The following CNTN4 variants were observed in gnomAD, a reference collection of about 807,000 sequenced individuals.
CNTN4 encodes contactin 4, also known as contactin-4.
Under a neutral mutation model 122.5 loss-of-function variants are expected in CNTN4, and 77 were observed. The ratio of observed to expected loss-of-function variants is 0.63; its 90% confidence interval spans 0.52 to 0.76. The LOEUF (loss-of-function observed/expected upper bound fraction) is 0.76, where lower values mean the gene tolerates loss of function less well. Ranked by LOEUF, CNTN4 falls within the 30% of genes least tolerant of loss-of-function variation. The pLI is 0.00. For synonymous variants in CNTN4, 512 were observed against 447.0 expected (o/e 1.15, Z -1.83); for missense variants, 1,256 against 1,259.1 (o/e 1.00, Z 0.04).
intron 12 of CNTN4, among the ~76,000 whole-genome samples, chr3:2,914,452 A>G (rs2094333677): frequency 1.3e-5 from 2 of 152,218 alleles, no homozygotes; most frequent in South Asian, 4.1e-4. Context: ...ATCAGAAATT[A>G]GAGACATGAA....
chr3:2,888,418 C>T (rs1034450564), intron 10 of CNTN4, among the ~76,000 whole-genome samples: 1 of 152,080 alleles, frequency 6.6e-6, no homozygotes, highest in African/African-American at 2.4e-5. Context: ...TATTTTTTGC[C>T]TGATAAGAGA....
At chr3:2,735,617 T>A (rs982006733) in intron 4 of CNTN4, among the ~76,000 whole-genome samples, 1 of 152,216 alleles carries the variant, frequency 6.6e-6, no homozygotes, top group African/African-American at 2.4e-5. Flanking sequence ...ATATATGGCT[T>A]CATAAGACGT....
intron 7 of CNTN4, among the ~76,000 whole-genome samples, chr3:2,821,339 G>A (rs1209528761): frequency 6.6e-6 from 1 of 152,142 alleles, no homozygotes; most frequent in African/African-American, 2.4e-5. Flanking sequence ...GCCCTTCTCT[G>A]ATTCTTCTCT....
intron 7 of CNTN4, among the ~76,000 whole-genome samples, chr3:2,832,918 A>G (rs1255855864): frequency 6.6e-6 from 1 of 152,046 alleles, no homozygotes; most frequent in Non-Finnish European, 1.5e-5. Flanking sequence ...TTAAAGTCAT[A>G]GAGTTAAATA....
chr3:2,340,708 T>TAGAGAGAGAGAGAGAGAGGGGGAGAG (rs1414538595), intron 3 of CNTN4, among the ~76,000 whole-genome samples: 1 of 25,362 alleles, frequency 3.9e-5, no homozygotes, highest in East Asian at 2.3e-3. Flanking sequence ...TATATATATA[T>TAGAGAGAGAGAGAGAGAGGGGGAGAG]ATAGAGAGAG....
chr3:2,541,641 G>T (rs1278802917), intron 3 of CNTN4, among the ~76,000 whole-genome samples: 1 of 151,980 alleles, frequency 6.6e-6, no homozygotes, highest in Non-Finnish European at 1.5e-5. Flanking sequence ...CAAGATATTT[G>T]GTTTAAAATT....
chr3:3,038,292 T>C (rs183244290), intron 18 of CNTN4, among the ~76,000 whole-genome samples: 380 of 152,294 alleles, frequency 2.5e-3, no homozygotes, highest in Middle Eastern at 0.024. Context: ...CATAATTTCC[T>C]CTCTTTTATA....
intron 3 of CNTN4, among the ~76,000 whole-genome samples, chr3:2,562,554 A>G (rs73108588): frequency 0.026 from 3,913 of 152,246 alleles, 166 homozygotes; most frequent in African/African-American, 0.088. Context: ...TGCAAAGAAC[A>G]TCATTTCATT....
At chr3:2,682,766 C>G (rs1441584008) in intron 4 of CNTN4, among the ~76,000 whole-genome samples, 1 of 152,116 alleles carries the variant, frequency 6.6e-6, no homozygotes, top group African/African-American at 2.4e-5. Flanking sequence ...TGTATCATAT[C>G]ATATCATGAG....
Position 2,339,360 on chromosome 3 carries a change from TA to T in CNTN4, c.-89+128del, listed in dbSNP as rs1423493986. The T allele has an allele frequency of 2.6e-5, 4 of 152,146 alleles. No homozygotes were observed. The East Asian group carries it at 7.7e-4, about 29-fold the overall frequency. 9.4% of individuals were successfully genotyped at this position (152,146 alleles called of 1,614,324 possible). A position where few individuals can be genotyped will look rare whatever the true frequency, so the allele number is the denominator to read the frequency against. ...AGCATGAGATTGTTTTTGATGTTTT[TA>T]TGAATGTTGAAATTAATGAAAGTAG... is the stretch of plus-strand genomic sequence containing the variant. On this transcript the variant is annotated intron_variant, in intron 3 of 24. Coordinates refer to ENST00000418658, the MANE Select transcript of CNTN4 (RefSeq NM_175607.3).
chr3:2,410,034 T>G (rs2151026352), intron 3 of CNTN4, among the ~76,000 whole-genome samples: 1 of 152,322 alleles, frequency 6.6e-6, no homozygotes, highest in South Asian at 2.1e-4. Flanking sequence ...CATATTATAG[T>G]TTGGACAGCA....
At chr3:3,052,593 A>G (rs760308624) in intron 23 of CNTN4, among the ~76,000 whole-genome samples, 124 of 152,286 alleles carry the variant, frequency 8.1e-4, no homozygotes, top group Admixed American at 1.8e-3. Context: ...CCAGACCTGT[A>G]TATTTTGTTC....
chr3:2,454,957 A>G (rs983836175), intron 3 of CNTN4, among the ~76,000 whole-genome samples: 2 of 152,202 alleles, frequency 1.3e-5, no homozygotes, highest in African/African-American at 4.8e-5. Flanking sequence ...GAGCTAAAAG[A>G]TAAAAGAGTC....
chr3:2,554,968 A>G (rs570593413), intron 3 of CNTN4, among the ~76,000 whole-genome samples: 14 of 152,296 alleles, frequency 9.2e-5, no homozygotes, highest in African/African-American at 2.6e-4. Context: ...CTGAAATTCA[A>G]TGTCATCTTA....
chr3:2,617,419 C>CTTTTTTTTTTTTTTTTTTTT lies in CNTN4; in HGVS notation c.55+45880_55+45881insTTTTTTTTTTTTTTTTTTTT, dbSNP rs71058631. On this transcript the variant is annotated intron_variant, in intron 4 of 24. Coordinates refer to ENST00000418658, the MANE Select transcript of CNTN4 (RefSeq NM_175607.3). The stretch of plus-strand genomic sequence containing the variant: ...ACATCACTGATCTTTAGAGAAATGC[C>CTTTTTTTTTTTTTTTTTTTT]TTTTTTTTTTTTTTTTTTTGAGACA... Among the ~76,000 whole-genome samples, 94 of 108,520 alleles carry CTTTTTTTTTTTTTTTTTTTT rather than the reference C, an allele frequency of 8.7e-4. 4 individuals are homozygous for CTTTTTTTTTTTTTTTTTTTT. The highest frequency in any genetic ancestry group is 3.3e-3 in the African/African-American group (92 of 27,580). 71.2% of individuals were successfully genotyped at this position (108,520 alleles called of 152,430 possible). A position where few individuals can be genotyped will look rare whatever the true frequency, so the allele number is the denominator to read the frequency against.
intron 6 of CNTN4, among the ~76,000 whole-genome samples, chr3:2,777,401 G>A (rs780066234): frequency 6.6e-6 from 1 of 152,148 alleles, no homozygotes; most frequent in Admixed American, 6.5e-5. Context: ...GAGTGTGTTT[G>A]TAGGCTCTAT....
At chr3:2,346,794 T>C (rs1316090600) in intron 3 of CNTN4, among the ~76,000 whole-genome samples, 1 of 152,236 alleles carries the variant, frequency 6.6e-6, no homozygotes, top group Admixed American at 6.5e-5. Flanking sequence ...AGTTTCACAA[T>C]GATAAGTCCA....
At chr3:2,968,653 G>C (rs1299221718) in intron 13 of CNTN4, among the ~76,000 whole-genome samples, 1 of 152,148 alleles carries the variant, frequency 6.6e-6, no homozygotes, top group Non-Finnish European at 1.5e-5. Flanking sequence ...ACCACCACCA[G>C]AGCAAACTTG....
intron 3 of CNTN4, among the ~76,000 whole-genome samples, chr3:2,445,617 C>T (rs918768697): frequency 7.2e-5 from 11 of 152,126 alleles, no homozygotes; most frequent in African/African-American, 2.7e-4. Flanking sequence ...CAAATAAGCT[C>T]AAAGAAAACA....
Sources: gnomAD v4.1 joint callset for allele counts (sites outside exome capture counted in the v4.1 genomes callset) on GRCh38, gnomAD v4.1.1 for gene constraint, MANE v1.5 for transcripts, NCBI Gene and HGNC (gene_info 2026-07-23, HGNC 2026-07-21) for gene names.